The following SPATA22 variants were observed in gnomAD, a reference collection of about 807,000 sequenced individuals.
The protein encoded by SPATA22 is spermatogenesis-associated protein 22.
Under a neutral mutation model 47.8 loss-of-function variants are expected in SPATA22, and 29 were observed. The ratio of observed to expected loss-of-function variants is 0.61; its 90% CI spans 0.45 to 0.83. The LOEUF (loss-of-function observed/expected upper bound fraction) is 0.83. Among genes scored for constraint, SPATA22 ranks in the 40% least tolerant of loss-of-function variants. The pLI, the probability that SPATA22 is intolerant of heterozygous loss-of-function variation, is 0.00. For synonymous variants in SPATA22, 133 were observed against 140.9 expected, an observed-to-expected ratio of 0.94 and a Z score of 0.40; for missense variants, 410 against 421.7, an observed-to-expected ratio of 0.97 and a Z score of 0.24.
At chr17:3,480,119 G>A (rs1380873018) in intron 1 of SPATA22, among the ~76,000 whole-genome samples, 1 of 152,166 alleles carries the variant, frequency 6.6e-6, no homozygotes, top group Non-Finnish European at 1.5e-5. Flanking sequence ...ATTAGGCCAG[G>A]TGTGGCTGCT....
At chr17:3,451,714 C>A (rs1380456621) in intron 5 of SPATA22, among the ~76,000 whole-genome samples, 2 of 151,892 alleles carry the variant, frequency 1.3e-5, no homozygotes, top group Admixed American at 6.6e-5. Context: ...TTTGGGAGGC[C>A]GAGGTGGGCG....
intron 1 of SPATA22, among the ~76,000 whole-genome samples, chr17:3,482,208 C>G (rs1463886422): frequency 1.3e-5 from 2 of 152,042 alleles, no homozygotes; most frequent in Non-Finnish European, 2.9e-5. Context: ...GGTATGGGAT[C>G]TCAATTACAA....
intron 1 of SPATA22, among the ~76,000 whole-genome samples, chr17:3,505,375 C>T (rs375801967): frequency 1.3e-5 from 2 of 152,378 alleles, no homozygotes; most frequent in East Asian, 3.9e-4. Flanking sequence ...ATAGAAGGAG[C>T]TCAGTGCGTT....
intron 3 of SPATA22, among the ~76,000 whole-genome samples, chr17:3,466,912 C>T (rs555693509): frequency 6.6e-6 from 1 of 152,274 alleles, no homozygotes; most frequent in Non-Finnish European, 1.5e-5. Context: ...TGGGGGGGAT[C>T]ACATTTGGAC....
chr17:3,446,020 C>A (rs2072718246), intron 7 of SPATA22, among the ~76,000 whole-genome samples: 1 of 152,076 alleles, frequency 6.6e-6, no homozygotes. Flanking sequence ...ATTTTTCCAA[C>A]TTCTCAAAGA....
At chr17:3,494,581 G>A in intron 1 of SPATA22, 1 of 816,712 alleles carries the variant, frequency 1.2e-6, no homozygotes, top group Non-Finnish European at 2.1e-6. Context: ...TAGACACTGA[G>A]TGTAGATAGG....
At chr17:3,476,355 G>A, upstream of SPATA22, 1 of 1,614,118 alleles carries the variant, frequency 6.2e-7, no homozygotes, top group Non-Finnish European at 8.5e-7. Flanking sequence ...CAGATATATT[G>A]ACTGTGACCT....
intron 1 of SPATA22, chr17:3,512,677 C>CCT (rs1597460967): frequency 6.6e-6 from 1 of 152,158 alleles, no homozygotes; most frequent in African/African-American, 2.4e-5. Context: ...CTCCACTTCA[C>CCT]CTCTGCCCCC....
chr17:3,473,580 C>A (rs550925073), upstream of SPATA22, among the ~76,000 whole-genome samples: 1 of 152,268 alleles, frequency 6.6e-6, no homozygotes, highest in East Asian at 1.9e-4. Flanking sequence ...CTCACTGCAA[C>A]CTCCGCCTTC....
intron 1 of SPATA22, among the ~76,000 whole-genome samples, chr17:3,482,890 T>C (rs1351062135): frequency 6.6e-6 from 1 of 151,148 alleles, no homozygotes; most frequent in Non-Finnish European, 1.5e-5. Context: ...GCCGCACCCA[T>C]TAACTCGTCA....
intron 1 of SPATA22, among the ~76,000 whole-genome samples, chr17:3,509,792 A>C (rs1048178407): frequency 6.6e-6 from 1 of 152,048 alleles, no homozygotes; most frequent in Non-Finnish European, 1.5e-5. Flanking sequence ...ACAGTGTAAA[A>C]GTGTTCCTAT....
chr17:3,449,170 A>G (rs1189793980), intron 5 of SPATA22, 21 bp from the exon 6 acceptor site: 3 of 1,491,072 alleles, frequency 2.0e-6, no homozygotes, highest in East Asian at 2.3e-5. Context: ...GCAAAAAAAA[A>G]GCATTTGTTT....
At chr17:3,447,020 AT>A (rs1204462866) in intron 6 of SPATA22, among the ~76,000 whole-genome samples, 1 of 152,176 alleles carries the variant, frequency 6.6e-6, no homozygotes, top group African/African-American at 2.4e-5. Context: ...CATGCCAAAC[AT>A]AGCTATTTAG....
intron 1 of SPATA22, among the ~76,000 whole-genome samples, chr17:3,477,459 C>G (rs534087361): frequency 6.6e-6 from 1 of 152,176 alleles, no homozygotes; most frequent in South Asian, 2.1e-4. Flanking sequence ...TTCTTTCTTT[C>G]TTTCTCTTTT....
At chr17:3,468,800 T>A in intron 2 of SPATA22, 1 of 382,192 alleles carries the variant, frequency 2.6e-6, no homozygotes, top group Non-Finnish European at 3.6e-6. Context: ...AATTAATGTC[T>A]TGAATACAGT....
intron 1 of SPATA22, chr17:3,481,880 C>T: frequency 1.8e-5 from 23 of 1,294,526 alleles, no homozygotes; most frequent in Non-Finnish European, 2.5e-5. Context: ...AATCAGAAAA[C>T]AGTTATGAGG....
rs570972662 is a variant in SPATA22, at chr17:3,496,991, G to A, written c.-74+16421C>T. On this transcript the variant is annotated intron_variant, in intron 1 of 8. Transcript: ENST00000541913. ...TGAGGCAGGAAAATTGCTTGAACTC[G>A]GGAGGTGAAGGTTGCAGTGAGCTGA... Among the ~76,000 whole-genome samples the A allele has an allele frequency of 3.3e-5, 5 of 152,272 alleles. No homozygotes were observed. The South Asian group carries it at 8.3e-4, about 25-fold the overall frequency.
At chr17:3,483,435 G>A in intron 1 of SPATA22, 2 of 1,406,804 alleles carry the variant, frequency 1.4e-6, no homozygotes, top group Middle Eastern at 1.8e-4. Context: ...TATTGACTCT[G>A]TTGAAGCAAA....
In SPATA22 at chr17:3,485,420, G is replaced by A. The variant is rs1432215602; in HGVS notation, c.-73-16022C>T. Among the ~76,000 whole-genome samples, 1 of 152,156 alleles carries A rather than the reference G, an allele frequency of 6.6e-6. No individual in the cohort carries two copies. The highest frequency in any genetic ancestry group is 1.5e-5 in the Non-Finnish European group (1 of 68,040). On this transcript the variant is annotated intron_variant, in intron 1 of 8. Transcript: ENST00000541913. This position sits in a 1 kb window ranked among gnomAD's most constrained non-coding sequence, Gnocchi z 4.4. ...CCATATATAAAATACTAGCCAACCAGGAGAATCGCTTGAACCCCGGAGGTG... is the reference window on the plus strand; with the variant it reads ...CCATATATAAAATACTAGCCAACCAAGAGAATCGCTTGAACCCCGGAGGTG...
Sources: gnomAD v4.1 joint callset for allele counts (sites outside exome capture counted in the v4.1 genomes callset) on GRCh38, gnomAD v4.1.1 for gene constraint, Gnocchi (gnomAD v3.1) non-coding constraint, MANE v1.5 for transcripts, NCBI Gene and HGNC (gene_info 2026-07-23, HGNC 2026-07-21) for gene names.